Variants in FSIP2 observed in about 807,000 individuals in gnomAD.
FSIP2 encodes fibrous sheath-interacting protein 2.
A neutral mutation model predicts 510.5 loss-of-function variants in FSIP2; 367 were observed. The ratio of observed to expected loss-of-function variants is 0.72; its 90% CI spans 0.66 to 0.78. The LOEUF is 0.78. Among genes scored for constraint, FSIP2 ranks in the 30% least tolerant of loss-of-function variants. FSIP2 has a pLI of 0.00. For synonymous variants in FSIP2, 2,601 were observed against 2,732.2 expected (o/e 0.95, Z 1.50); for missense variants, 7,594 against 7,901.7 (o/e 0.96, Z 1.48).
In FSIP2 at chr2:185,806,666, T is replaced by C. The variant is rs1461490985; in HGVS notation, c.17360T>C (p.Leu5787Ser). The C allele has an allele frequency of 6.2e-7, 1 of 1,602,512 alleles. No individual in the cohort carries two copies. The highest frequency in any genetic ancestry group is 1.3e-5 in the African/African-American group (1 of 74,122). Residue 5787 changes from leucine to serine, a missense_variant, in exon 17 of 23, where the codon TTA (leucine) becomes TCA (serine). Leu to Ser is a moderately radical substitution (Grantham distance 145, BLOSUM62 -2). Transcript: ENST00000424728. ...SKPGIFPAKF[L>S]EDVITEMVKQ... ...CCTGGAATTTTTCCCGCTAAGTTTTTAGAAGATGTTATTACTGAGATGGTT... is the reference window on the plus strand; with the variant it reads ...CCTGGAATTTTTCCCGCTAAGTTTTCAGAAGATGTTATTACTGAGATGGTT...
Position 185,797,451 on chromosome 2 carries a change from T to C in FSIP2, c.10315T>C (p.Ser3439Pro). Reference protein sequence around the residue: ...AFTFADHEMGSNEVHLIARHV... With the variant: ...AFTFADHEMGPNEVHLIARHV... ...TACTTTTGCTGATCATGAAATGGGT[T>C]CCAATGAAGTTCATCTGATAGCAAG... Residue 3439 changes from serine to proline, a missense_variant, in exon 16 of 23, where the codon TCC becomes CCC. By Grantham distance (74) the Ser-to-Pro change is moderately conservative (BLOSUM62 -1). Transcript: ENST00000424728. The C allele has an allele frequency of 6.5e-7, 1 of 1,530,458 alleles. No individual in the cohort carries two copies. 94.8% of individuals were successfully genotyped at this position (1,530,458 alleles called of 1,614,324 possible).
At chr2:185,814,113 C>A (rs1277594996) in intron 18 of FSIP2, 71 bp downstream of exon 18, 3 of 1,403,882 alleles carry the variant, frequency 2.1e-6, no homozygotes, top group African/African-American at 2.9e-5. Context: ...CAAGAATGTA[C>A]CTTGATTAGT....
At position 185,801,496 on chromosome 2, in the gene FSIP2, TG is replaced by T; in HGVS notation, c.12191del (p.Cys4064LeufsTer12). 1 of 1,533,748 alleles carries T rather than the reference TG, an allele frequency of 6.5e-7. No homozygotes were observed. Among genetic ancestry groups the T allele is most frequent in the Non-Finnish European group, 8.7e-7 (1 of 1,145,392 alleles). On this transcript the variant is annotated frameshift_variant, in exon 17 of 23. Transcript: ENST00000424728. LOFTEE classifies it high-confidence loss of function. ...ACAGCAGTATGAATTAAAAGTGGCCTGTGGTAATAATCCGGTATACGACAAT... is the reference window on the plus strand; with the variant it reads ...ACAGCAGTATGAATTAAAAGTGGCCTTGGTAATAATCCGGTATACGACAAT... ...VLQQYELKVA[C>X]GNNPVYDNAS...
In FSIP2 at chr2:185,743,146, CT is replaced by C; in HGVS notation, c.241del (p.Tyr81MetfsTer5). ...CTGTGTTTGCAGCTTTTTCGACCTT[CT>C]TATGGTTTTAACCTGACTGATCCCT... ...TNFGEKLFRP[S>X]YGFNLTDPYC... On this transcript the variant is annotated frameshift_variant, in exon 3 of 23. Coordinates refer to ENST00000424728, the MANE Select transcript of FSIP2 (RefSeq NM_173651.4). LOFTEE classifies it high-confidence loss of function. The C allele has an allele frequency of 6.7e-7, 1 of 1,486,690 alleles. No individual in the cohort carries two copies. Among genetic ancestry groups the C allele is most frequent in the Non-Finnish European group, 8.9e-7 (1 of 1,129,836 alleles). 92.1% of individuals were successfully genotyped at this position (1,486,690 alleles called of 1,614,324 possible). A position where few individuals can be genotyped will look rare whatever the true frequency, so the allele number is the denominator to read the frequency against.
At chr2:185,828,124 C>G in intron 20 of FSIP2, 32 bp from the exon 21 acceptor site, 1 of 1,255,472 alleles carries the variant, frequency 8.0e-7, no homozygotes, top group Non-Finnish European at 1.2e-6. Flanking sequence ...CAGAAAGAGA[C>G]TATTTTACTT....
Position 185,795,499 on chromosome 2 carries a change from G to C in FSIP2, c.8363G>C (p.Cys2788Ser), listed in dbSNP as rs757907104. The stretch of plus-strand genomic sequence containing the variant: ...CAAGAATTATATGTTACCAATAACT[G>C]CAATTTGGCTTACCCGATGAAATCC... ...VLQELYVTNNCNLAYPMKSSH... is the reference protein window; with the variant it reads ...VLQELYVTNNSNLAYPMKSSH... Residue 2788 changes from cysteine to serine, a missense_variant, in exon 16 of 23, where the codon TGC becomes TCC. Transcript: ENST00000424728. 1 of 1,534,726 alleles carries C rather than the reference G, an allele frequency of 6.5e-7. No individual in the cohort carries two copies. Among genetic ancestry groups the C allele is most frequent in the South Asian group, 1.2e-5 (1 of 83,998 alleles).
chr2:185,826,053 A>G (rs1276495485), intron 20 of FSIP2, among the ~76,000 whole-genome samples: 1 of 151,846 alleles, frequency 6.6e-6, no homozygotes. Flanking sequence ...CAGTGTCATA[A>G]CATTCTGTAC....
intron 3 of FSIP2, among the ~76,000 whole-genome samples, chr2:185,744,030 A>C (rs1004962804): frequency 6.6e-6 from 1 of 151,394 alleles, no homozygotes; most frequent in Non-Finnish European, 1.5e-5. Flanking sequence ...GGGTCTTGCT[A>C]TGTTGCCCAG....
In FSIP2 at chr2:185,749,793, G is replaced by A. The variant is rs13416617; in HGVS notation, c.870+2370G>A. On this transcript the variant is annotated intron_variant, in intron 7 of 22. Transcript: ENST00000424728. ...GCCATTAATTTTAGGGTTAGGTATGGGTTTTTTTTACAGGTGTCATTCATT... is the reference window on the plus strand; with the variant it reads ...GCCATTAATTTTAGGGTTAGGTATGAGTTTTTTTTACAGGTGTCATTCATT... 6.3e-3 allele frequency among the ~76,000 whole-genome samples: 947 copies of A among 151,458 alleles called. 11 individuals are homozygous for A. The highest frequency in any genetic ancestry group is 0.021 in the African/African-American group (873 of 41,368).
Position 185,801,926 on chromosome 2 carries a change from GA to G in FSIP2, c.12626del (p.Asn4209ThrfsTer27). 6.6e-7 allele frequency: 1 copy of G among 1,515,754 alleles called. No homozygotes were observed. The highest frequency in any genetic ancestry group is 8.8e-7 in the Non-Finnish European group (1 of 1,134,596). 93.9% of individuals were successfully genotyped at this position (1,515,754 alleles called of 1,614,324 possible). A position where few individuals can be genotyped will look rare whatever the true frequency, so the allele number is the denominator to read the frequency against. On this transcript the variant is annotated frameshift_variant, in exon 17 of 23. Transcript: ENST00000424728. LOFTEE classifies it high-confidence loss of function. ...TIYDNQYLYTGKNLQKMVDSV... is the reference protein window; with the variant it reads ...TIYDNQYLYTXKNLQKMVDSV... ...TATGATAATCAATATCTATATACTG[GA>G]AAAAACCTCCAAAAGATGGTGGATT...
chr2:185,818,658 T>C (rs780053409), intron 19 of FSIP2, among the ~76,000 whole-genome samples: 7 of 151,818 alleles, frequency 4.6e-5, no homozygotes, highest in Non-Finnish European at 1.0e-4. Context: ...GGCAGTGAGA[T>C]GATATATTTA....
At chr2:185,757,586 C>T (rs1345496296) in intron 9 of FSIP2, among the ~76,000 whole-genome samples, 1 of 151,278 alleles carries the variant, frequency 6.6e-6, no homozygotes, top group Non-Finnish European at 1.5e-5. Flanking sequence ...TCACCATAAT[C>T]AGGTCTTCCT....
At chr2:185,827,745 G>A (rs1694037990) in intron 20 of FSIP2, among the ~76,000 whole-genome samples, 1 of 151,864 alleles carries the variant, frequency 6.6e-6, no homozygotes, top group African/African-American at 2.4e-5. Context: ...CTAATAAGCT[G>A]CTTTTAAGTA....
Position 185,796,827 on chromosome 2 carries a change from A to G in FSIP2, c.9691A>G (p.Thr3231Ala), listed in dbSNP as rs1232106913. The part of the protein sequence containing the change: ...SEPTKRPDSE[T>A]MPSCSTRNKV... ...GCCAACGAAAAGGCCTGATTCAGAA[A>G]CTATGCCATCGTGTTCTACTAGAAA... Residue 3231 changes from threonine to alanine, a missense_variant, in exon 16 of 23, where the codon ACT becomes GCT. Thr to Ala is a moderately conservative substitution (Grantham distance 58). Transcript: ENST00000424728. The G allele has an allele frequency of 2.5e-5, 38 of 1,535,070 alleles. No individual in the cohort carries two copies. Among genetic ancestry groups the G allele is most frequent in the Non-Finnish European group, 3.2e-5 (37 of 1,146,312 alleles).
At chr2:185,782,866 T>C in intron 14 of FSIP2, 104 bp downstream of exon 14, 1 of 688,128 alleles carries the variant, frequency 1.5e-6, no homozygotes, top group Non-Finnish European at 2.5e-6. Flanking sequence ...TTTTTATAGT[T>C]CTACTTGGAT....
chr2:185,789,341 T>C lies in FSIP2; in HGVS notation c.2205T>C (p.Val735=), dbSNP rs770600246. The stretch of plus-strand genomic sequence containing the variant: ...CTTCTGTTACTGCTGAAGTTTTTGT[T>C]GAACAATGTGAACGTGAAAAAGAAA... The part of the protein sequence containing the change: ...SLSSVTAEVF[V]EQCEREKEIL... The change falls in exon 16 of 23, where the codon GTT becomes GTC. Residue 735 remains valine, a synonymous_variant. Coordinates refer to ENST00000424728, the MANE Select transcript of FSIP2 (RefSeq NM_173651.4). 1.2e-5 allele frequency: 18 copies of C among 1,534,956 alleles called. 1 individual carries two copies. Among genetic ancestry groups the C allele is most frequent in the Middle Eastern group, 1.7e-4 (1 of 5,990 alleles).
rs1346337329 is a variant in FSIP2 at position 185,833,265 on chromosome 2, G to A, written c.*39G>A. 6.5e-7 allele frequency: 1 copy of A among 1,539,312 alleles called. No homozygotes were observed. The highest frequency in any genetic ancestry group is 1.4e-5 in the African/African-American group (1 of 71,574). On this transcript the variant is annotated 3_prime_UTR_variant, in exon 23 of 23. Transcript: ENST00000424728. ...GATATAAGTATGCTTACTTCTTTTA[G>A]AAAATAAAATGGTTTTTAAAGCATA...
chr2:185,763,928 A>AT, intron 12 of FSIP2, among the ~76,000 whole-genome samples: 1 of 151,648 alleles, frequency 6.6e-6, no homozygotes, highest in Non-Finnish European at 1.5e-5. Flanking sequence ...TCTGTAGTGC[A>AT]GTTTTATAAT....
At chr2:185,812,826 G>T (rs1329064295) in intron 17 of FSIP2, among the ~76,000 whole-genome samples, 1 of 151,998 alleles carries the variant, frequency 6.6e-6, no homozygotes, top group African/African-American at 2.4e-5. Context: ...TGAAAAACTG[G>T]TTTATGATAT....
Sources: allele counts gnomAD v4.1 joint callset (sites outside exome capture counted in the v4.1 genomes callset), GRCh38; gene constraint gnomAD v4.1.1; transcripts MANE v1.5; gene names NCBI Gene and HGNC (gene_info 2026-07-23, HGNC 2026-07-21).